MSRB3: variants seen among roughly 807,000 people sequenced by gnomAD.
MSRB3 encodes the protein methionine-R-sulfoxide reductase B3.
In MSRB3, 13 loss-of-function variants were observed where a neutral mutation model predicts 21.0. The ratio of observed to expected loss-of-function variants is 0.62; its 90% CI spans 0.40 to 0.98. The LOEUF is 0.98. Among genes scored for constraint, MSRB3 ranks in the 50% least tolerant of loss-of-function variants. The pLI is 0.00. For missense variants in MSRB3, 199 were observed against 230.3 expected (o/e 0.86, Z 0.88); for synonymous variants, 87 against 88.6 (o/e 0.98, Z 0.10).
At position 65,453,609 on chromosome 12, in the gene MSRB3, A is replaced by T. The variant is rs370454764; in HGVS notation, c.293-119A>T. 12 of 800,820 alleles carry T rather than the reference A, an allele frequency of 1.5e-5. No homozygotes were observed. In the East Asian group the frequency reaches 1.8e-4, roughly 12 times the overall value. The allele number at this position is 800,820 out of a possible 1,614,324, so 49.6% of individuals were successfully genotyped here. On this transcript the variant is annotated intron_variant, in intron 5 of 6. Coordinates refer to ENST00000308259, the MANE Select transcript of MSRB3 (RefSeq NM_001031679.3). Reference sequence around the variant, plus strand: ...TTTGACCTTTCTTTTTTCAGGTTGAAAAGTTAAACATACACTAAGGATTTT... The same window carrying T: ...TTTGACCTTTCTTTTTTCAGGTTGATAAGTTAAACATACACTAAGGATTTT...
chr12:65,351,135 A>G (rs1049745744), intron 4 of MSRB3, among the ~76,000 whole-genome samples: 1 of 152,082 alleles, frequency 6.6e-6, no homozygotes, highest in Non-Finnish European at 1.5e-5. Context: ...GTGCGATCAA[A>G]CTAGAGCTCA....
At chr12:65,439,630 G>T (rs1882281620) in intron 5 of MSRB3, among the ~76,000 whole-genome samples, 3 of 151,186 alleles carry the variant, frequency 2.0e-5, no homozygotes, top group Non-Finnish European at 3.0e-5. Flanking sequence ...ACTCTATGGG[G>T]TACAATAAAC....
chr12:65,456,125 A>T (rs1883080817), intron 6 of MSRB3, among the ~76,000 whole-genome samples: 1 of 152,216 alleles, frequency 6.6e-6, no homozygotes, highest in South Asian at 2.1e-4. Flanking sequence ...GGCTTACATT[A>T]ATTTGTAACT....
Position 65,372,453 on chromosome 12 carries a change from C to T in MSRB3, c.292+3427C>T, listed in dbSNP as rs187473994. Among the ~76,000 whole-genome samples, 355 of 152,352 alleles carry T rather than the reference C, an allele frequency of 2.3e-3. 2 individuals are homozygous for T. Among genetic ancestry groups the T allele is most frequent in the Non-Finnish European group, 2.7e-3 (182 of 68,038 alleles). The stretch of plus-strand genomic sequence containing the variant: ...AGTTTTTGGCTTTGCCAATTGAGAA[C>T]AGTCAGCTTACCTTCTTTTTAAAAG... On this transcript the variant is annotated intron_variant, in intron 5 of 6. Transcript: ENST00000308259.
At chr12:65,391,369 A>T (rs1211218823) in intron 5 of MSRB3, among the ~76,000 whole-genome samples, 1 of 152,196 alleles carries the variant, frequency 6.6e-6, no homozygotes, top group Non-Finnish European at 1.5e-5. Context: ...TTCCCCAGAA[A>T]ATGTGAGAAA....
chr12:65,330,395 C>T (rs1239462337), intron 4 of MSRB3, among the ~76,000 whole-genome samples: 5 of 152,202 alleles, frequency 3.3e-5, no homozygotes. Flanking sequence ...TTAATACTTT[C>T]ATTCTACTTT....
chr12:65,428,389 G>A (rs1881710657), intron 5 of MSRB3, among the ~76,000 whole-genome samples: 1 of 152,020 alleles, frequency 6.6e-6, no homozygotes, highest in East Asian at 1.9e-4. Flanking sequence ...TTTGTTTGGA[G>A]ATAGCTGTCT....
At chr12:65,317,288 A>G (rs1874362015) in intron 2 of MSRB3, among the ~76,000 whole-genome samples, 1 of 152,188 alleles carries the variant, frequency 6.6e-6, no homozygotes, top group Non-Finnish European at 1.5e-5. Flanking sequence ...TCTAAGATGC[A>G]CTGCTTTTAC....
At chr12:65,434,696 T>C (rs1032389073) in intron 5 of MSRB3, among the ~76,000 whole-genome samples, 7 of 151,950 alleles carry the variant, frequency 4.6e-5, no homozygotes, top group Non-Finnish European at 7.4e-5. Flanking sequence ...TCTATTTTCC[T>C]TCCATTAATG....
At chr12:65,291,579 A>G (rs1222907104) in intron 1 of MSRB3, among the ~76,000 whole-genome samples, 1 of 151,816 alleles carries the variant, frequency 6.6e-6, no homozygotes, top group African/African-American at 2.4e-5. Flanking sequence ...TTTATCTGCC[A>G]TCCTTCCAAA....
Position 65,341,551 on chromosome 12 carries a change from A to C in MSRB3, c.263+12948A>C, listed in dbSNP as rs555857276. 4.2e-3 allele frequency among the ~76,000 whole-genome samples: 641 copies of C among 152,214 alleles called. 2 individuals are homozygous for C. The highest frequency in any genetic ancestry group is 7.2e-3 in the Non-Finnish European group (487 of 67,958). ...AAAAAAATAATTGTACATTAAAAAAAAAAAACTAAAAGAGTATAATTGGGT... is the reference window on the plus strand; with the variant it reads ...AAAAAAATAATTGTACATTAAAAAACAAAAACTAAAAGAGTATAATTGGGT... On this transcript the variant is annotated intron_variant, in intron 4 of 6. Coordinates refer to ENST00000308259, the MANE Select transcript of MSRB3 (RefSeq NM_001031679.3).
intron 5 of MSRB3, among the ~76,000 whole-genome samples, chr12:65,397,695 G>A (rs1478609109): frequency 6.6e-6 from 1 of 151,998 alleles, no homozygotes; most frequent in Non-Finnish European, 1.5e-5. Context: ...TGCCATGGTG[G>A]TTTGCTGCAC....
chr12:65,387,287 TG>T (rs1421032289), intron 5 of MSRB3, among the ~76,000 whole-genome samples: 2 of 152,138 alleles, frequency 1.3e-5, no homozygotes, highest in Non-Finnish European at 2.9e-5. Context: ...CCAGAAAAAT[TG>T]TGCCAATTTC....
chr12:65,303,142 T>C (rs977008037), intron 1 of MSRB3, among the ~76,000 whole-genome samples: 3 of 152,076 alleles, frequency 2.0e-5, no homozygotes, highest in African/African-American at 7.2e-5. Flanking sequence ...TCCTTTGGCA[T>C]TTATTGGGAA....
intron 5 of MSRB3, among the ~76,000 whole-genome samples, chr12:65,382,876 A>G (rs1024473332): frequency 6.6e-6 from 1 of 152,004 alleles, no homozygotes; most frequent in Non-Finnish European, 1.5e-5. Flanking sequence ...ATACATGCAT[A>G]TATGTGTGTA....
chr12:65,463,295 G>A lies in MSRB3; in HGVS notation c.531G>A (p.Pro177=), dbSNP rs148675122. The change falls in exon 7 of 7, where the codon CCG becomes CCA. Residue 177 remains proline, a synonymous_variant. Transcript: ENST00000308259. ...AGGGAGGCAGTGGGGTCGCCAGCCC[G>A]GCCCAGGCAGACAAAGCGGAGCTCT... ...TAEGGSGVAS[P]AQADKAEL is the part of the protein sequence containing the mutation. The A allele has an allele frequency of 2.1e-4, 346 of 1,614,138 alleles. No individual in the cohort carries two copies. The East Asian group carries it at 5.0e-3, about 23-fold the overall frequency.
At chr12:65,358,182 A>C (rs1276743945) in intron 4 of MSRB3, among the ~76,000 whole-genome samples, 1 of 151,884 alleles carries the variant, frequency 6.6e-6, no homozygotes, top group Non-Finnish European at 1.5e-5. Context: ...CAATGGCATG[A>C]TCATAGCTCA....
In MSRB3 at chr12:65,368,980, C is replaced by T; in HGVS notation, c.264-18C>T. ...ACAAACAGTTTTTATATTGTAAAAACTTTCTTTCTCTTTGCAGGTCAGAAA... is the reference window on the plus strand; with the variant it reads ...ACAAACAGTTTTTATATTGTAAAAATTTTCTTTCTCTTTGCAGGTCAGAAA... On this transcript the variant is annotated intron_variant, in intron 4 of 6. Coordinates refer to ENST00000308259, the MANE Select transcript of MSRB3 (RefSeq NM_001031679.3). 3 of 1,145,946 alleles carry T rather than the reference C, an allele frequency of 2.6e-6. No homozygotes were observed. The highest frequency in any genetic ancestry group is 3.6e-6 in the Non-Finnish European group (3 of 841,150). The allele number at this position is 1,145,946 out of a possible 1,614,324, so 71.0% of individuals were successfully genotyped here. A position where few individuals can be genotyped will look rare whatever the true frequency, so the allele number is the denominator to read the frequency against.
At chr12:65,452,409 G>T (rs1223312954) in intron 5 of MSRB3, among the ~76,000 whole-genome samples, 1 of 152,100 alleles carries the variant, frequency 6.6e-6, no homozygotes, top group Non-Finnish European at 1.5e-5. Flanking sequence ...AGTAACCATT[G>T]TAAACCAAAT....
Sources: allele counts gnomAD v4.1 joint callset (sites outside exome capture counted in the v4.1 genomes callset), GRCh38; gene constraint gnomAD v4.1.1; transcripts MANE v1.5; gene names NCBI Gene and HGNC (gene_info 2026-07-23, HGNC 2026-07-21).